SLC71A1: variants seen among roughly 807,000 people sequenced by gnomAD.
The protein encoded by SLC71A1 is solute carrier family 71 member 1, also known as hippocampus abundant gene transcript 1.
At chr1:100,074,849 T>A in the SLC71A1 span, among the ~76,000 whole-genome samples, 7,396 of 152,216 alleles carry the variant, frequency 0.049, 198 homozygotes, top group African/African-American at 0.074. Context: ...CACTCTAGCC[T>A]TGGCAACAGA....
chr1:100,061,898 AT>A, the SLC71A1 span: 1 of 1,613,668 alleles, frequency 6.2e-7, no homozygotes, highest in Non-Finnish European at 8.5e-7. Context: ...TGGTATTTGC[AT>A]ACGTAGCAGA....
At chr1:100,065,066 G>GT in the SLC71A1 span, among the ~76,000 whole-genome samples, 2 of 152,056 alleles carry the variant, frequency 1.3e-5, no homozygotes, top group Non-Finnish European at 2.9e-5. Context: ...TAGTGATGGA[G>GT]TTTCACCATG....
At chr1:100,049,321 G>GTTT in the SLC71A1 span, among the ~76,000 whole-genome samples, 1 of 129,524 alleles carries the variant, frequency 7.7e-6, no homozygotes, top group African/African-American at 2.8e-5. Flanking sequence ...TTCATTTATG[G>GTTT]TTTTTTTTTT....
the SLC71A1 span, among the ~76,000 whole-genome samples, chr1:100,072,627 G>A: frequency 9.9e-5 from 15 of 151,722 alleles, no homozygotes; most frequent in Non-Finnish European, 2.1e-4. Context: ...CTTTAAAATT[G>A]GGAAGTGTTA....
the SLC71A1 span, among the ~76,000 whole-genome samples, chr1:100,057,267 C>G: frequency 6.6e-6 from 1 of 151,126 alleles, no homozygotes; most frequent in Non-Finnish European, 1.5e-5. Context: ...AGATCACATA[C>G]TATTTTTATA....
the SLC71A1 span, chr1:100,061,755 C>T: frequency 1.1e-6 from 1 of 895,776 alleles, no homozygotes; most frequent in Non-Finnish European, 1.8e-6. Flanking sequence ...TGCTCTTACG[C>T]TTAATTAACT....
the SLC71A1 span, among the ~76,000 whole-genome samples, chr1:100,051,436 T>A: frequency 2.6e-5 from 4 of 151,044 alleles, no homozygotes; most frequent in African/African-American, 9.7e-5. Context: ...TCATGAGTAT[T>A]GCTATAAAAA....
At chr1:100,072,241 C>G in the SLC71A1 span, among the ~76,000 whole-genome samples, 13 of 152,224 alleles carry the variant, frequency 8.5e-5, no homozygotes, top group Non-Finnish European at 1.9e-4. Flanking sequence ...TCTCCCTCCT[C>G]TCCAGCAGCA....
the SLC71A1 span, chr1:100,077,323 G>A: frequency 1.0e-6 from 1 of 1,002,976 alleles, no homozygotes; most frequent in Non-Finnish European, 1.5e-6. Flanking sequence ...TTTGGTGTTA[G>A]CCCTTGTGTT....
chr1:100,047,721 C>T, the SLC71A1 span, among the ~76,000 whole-genome samples: 3 of 152,198 alleles, frequency 2.0e-5, no homozygotes, highest in South Asian at 2.1e-4. Context: ...TGCGCCCGGC[C>T]GATGAATGAT....
At chr1:100,075,187 A>G in the SLC71A1 span, among the ~76,000 whole-genome samples, 569 of 152,352 alleles carry the variant, frequency 3.7e-3, 6 homozygotes, top group Non-Finnish European at 3.0e-3. Context: ...TCCAGGGTAC[A>G]TGGCTGGCCC....
the SLC71A1 span, among the ~76,000 whole-genome samples, chr1:100,071,129 C>T: frequency 1.3e-4 from 19 of 151,758 alleles, no homozygotes; most frequent in African/African-American, 3.9e-4. Flanking sequence ...GGAAAATATA[C>T]TGTAGCCTTT....
At chr1:100,064,916 C>T in the SLC71A1 span, among the ~76,000 whole-genome samples, 1 of 151,402 alleles carries the variant, frequency 6.6e-6, no homozygotes, top group Non-Finnish European at 1.5e-5. Flanking sequence ...GACAGGGTCT[C>T]ACTCTATTGC....
the SLC71A1 span, among the ~76,000 whole-genome samples, chr1:100,072,712 C>A: frequency 3.3e-5 from 5 of 152,074 alleles, no homozygotes; most frequent in Non-Finnish European, 7.4e-5. Flanking sequence ...AACCTTCCAG[C>A]GAGAGCCAAG....
chr1:100,067,592 C>G, the SLC71A1 span, among the ~76,000 whole-genome samples: 2 of 152,140 alleles, frequency 1.3e-5, no homozygotes, highest in Non-Finnish European at 2.9e-5. Flanking sequence ...GGGAGGATCG[C>G]TTGAGCTCAG....
At chr1:100,081,740 T>C in the SLC71A1 span, among the ~76,000 whole-genome samples, 1 of 152,208 alleles carries the variant, frequency 6.6e-6, no homozygotes, top group African/African-American at 2.4e-5. Flanking sequence ...AATCATAGAA[T>C]AGCTGTGTTC....
the SLC71A1 span, among the ~76,000 whole-genome samples, chr1:100,070,056 T>C: frequency 2.0e-5 from 3 of 152,310 alleles, no homozygotes; most frequent in Non-Finnish European, 4.4e-5. Flanking sequence ...AATTCTTGCT[T>C]TTGTAGAGTT....
At chr1:100,059,571 A>T in the SLC71A1 span, among the ~76,000 whole-genome samples, 5 of 151,670 alleles carry the variant, frequency 3.3e-5, no homozygotes, top group East Asian at 9.7e-4. Flanking sequence ...ACACACACAC[A>T]TACATATACA....
At chr1:100,082,150 C>T in the SLC71A1 span, 1 of 1,614,164 alleles carries the variant, frequency 6.2e-7, no homozygotes, top group Non-Finnish European at 8.5e-7. Context: ...CAGCCATCCT[C>T]ATAATACACA....
Sources: gnomAD v4.1 joint callset for allele counts (sites outside exome capture counted in the v4.1 genomes callset) on GRCh38, gnomAD v4.1.1 for gene constraint, MANE v1.5 for transcripts, NCBI Gene and HGNC (gene_info 2026-07-23, HGNC 2026-07-21) for gene names.